The following FAM78B variants were observed in gnomAD, a reference collection of about 807,000 sequenced individuals.
The protein encoded by FAM78B is protein FAM78B.
Under a neutral mutation model 20.0 loss-of-function variants are expected in FAM78B, and 10 were observed. The ratio of observed to expected loss-of-function variants is 0.50; its 90% CI spans 0.31 to 0.85. FAM78B has a LOEUF of 0.85. Ranked by LOEUF, FAM78B falls within the 40% of genes least tolerant of loss-of-function variation. The probability of loss-of-function intolerance (pLI) is 0.05; values close to 1 mark genes in which losing one functional copy is unlikely to be tolerated. For synonymous variants in FAM78B, 135 were observed against 132.8 expected, an observed-to-expected ratio of 1.02 and a Z score of -0.12; for missense variants, 283 against 345.0, an observed-to-expected ratio of 0.82 and a Z score of 1.42.
At chr1:166,129,101 T>C (rs1056268466) in intron 1 of FAM78B, among the ~76,000 whole-genome samples, 1 of 152,194 alleles carries the variant, frequency 6.6e-6, no homozygotes, top group Non-Finnish European at 1.5e-5. Context: ...GTCCAGGCTA[T>C]GCTTCTCTGT....
intron 1 of FAM78B, among the ~76,000 whole-genome samples, chr1:166,076,999 A>C (rs2101716752): frequency 6.6e-6 from 1 of 152,358 alleles, no homozygotes; most frequent in Non-Finnish European, 1.5e-5. Flanking sequence ...GCAAAGGAAT[A>C]GCCAGCAAAA....
At chr1:166,076,614 C>T (rs1026906979) in intron 1 of FAM78B, among the ~76,000 whole-genome samples, 3 of 152,176 alleles carry the variant, frequency 2.0e-5, no homozygotes, top group Admixed American at 6.5e-5. Context: ...TCTCCCCTCA[C>T]CCTACTCTCC....
intron 1 of FAM78B, among the ~76,000 whole-genome samples, chr1:166,158,426 C>T (rs779339331): frequency 6.6e-6 from 1 of 152,164 alleles, no homozygotes; most frequent in Non-Finnish European, 1.5e-5. Context: ...GGCCATGAGG[C>T]CTTGAGCTAG....
downstream of FAM78B, among the ~76,000 whole-genome samples, chr1:166,064,832 A>T (rs1197007640): frequency 6.6e-6 from 1 of 152,212 alleles, no homozygotes; most frequent in East Asian, 1.9e-4. Flanking sequence ...TCTGATCGTG[A>T]TGTTGGCTGG....
chr1:166,109,890 G>GTATATATATATATATA (rs1200752162), intron 1 of FAM78B, among the ~76,000 whole-genome samples: 3 of 23,196 alleles, frequency 1.3e-4, no homozygotes, highest in Non-Finnish European at 3.4e-4. Flanking sequence ...ATGTATATAT[G>GTATATATATATATATA]TATATATATA....
At chr1:166,086,098 A>C (rs1652819176) in intron 1 of FAM78B, among the ~76,000 whole-genome samples, 1 of 150,508 alleles carries the variant, frequency 6.6e-6, no homozygotes, top group Non-Finnish European at 1.5e-5. Flanking sequence ...TTTTGCATAA[A>C]GGAGCTGAGG....
At chr1:166,066,056 G>C (rs1178920675), downstream of FAM78B, among the ~76,000 whole-genome samples, 3 of 152,200 alleles carry the variant, frequency 2.0e-5, no homozygotes, top group Non-Finnish European at 4.4e-5. Flanking sequence ...GAAAGCCATT[G>C]TTTCCACTGC....
At chr1:166,086,275 C>T (rs529268593) in intron 1 of FAM78B, among the ~76,000 whole-genome samples, 1 of 152,212 alleles carries the variant, frequency 6.6e-6, no homozygotes, top group Non-Finnish European at 1.5e-5. Flanking sequence ...ATTCTCCCTC[C>T]CCCACCATCC....
intron 1 of FAM78B, among the ~76,000 whole-genome samples, chr1:166,113,529 T>A (rs1402448676): frequency 6.6e-6 from 1 of 152,240 alleles, no homozygotes; most frequent in Non-Finnish European, 1.5e-5. Flanking sequence ...CATTAGGATT[T>A]ACCCTCCAAG....
chr1:166,118,358 A>C (rs1654338052), intron 1 of FAM78B, among the ~76,000 whole-genome samples: 1 of 152,212 alleles, frequency 6.6e-6, no homozygotes, highest in African/African-American at 2.4e-5. Flanking sequence ...GATTTTAAAA[A>C]AGTCTATACC....
chr1:166,086,054 A>G (rs1652815643), intron 1 of FAM78B, among the ~76,000 whole-genome samples: 1 of 152,104 alleles, frequency 6.6e-6, no homozygotes, highest in Non-Finnish European at 1.5e-5. Context: ...GTAACCTTCA[A>G]AGTAGGTACT....
intron 1 of FAM78B, among the ~76,000 whole-genome samples, chr1:166,080,859 C>A (rs564021153): frequency 1.3e-5 from 2 of 152,298 alleles, no homozygotes; most frequent in East Asian, 3.9e-4. Flanking sequence ...AGAGGAGGCA[C>A]GGAGGTGGAG....
chr1:166,060,445 C>A (rs756155760), exon 3 of FAM78B: 2 of 469,984 alleles, frequency 4.3e-6, no homozygotes, highest in Non-Finnish European at 8.0e-6. Flanking sequence ...GCCCAATCAG[C>A]CCAGGGCAAG....
intron 1 of FAM78B, among the ~76,000 whole-genome samples, chr1:166,161,247 A>G (rs1017783423): frequency 2.0e-5 from 3 of 152,148 alleles, no homozygotes; most frequent in African/African-American, 7.2e-5. Flanking sequence ...CCCAGGCTCA[A>G]GCAATTCTCG....
At chr1:166,142,700 C>A (rs921609591) in intron 1 of FAM78B, among the ~76,000 whole-genome samples, 2 of 152,198 alleles carry the variant, frequency 1.3e-5, no homozygotes, top group South Asian at 4.1e-4. Flanking sequence ...AAGTCTCTTA[C>A]CCTTACCACT....
chr1:166,135,780 A>AC (rs1206613097), intron 1 of FAM78B, among the ~76,000 whole-genome samples: 1 of 152,172 alleles, frequency 6.6e-6, no homozygotes, highest in Non-Finnish European at 1.5e-5. Context: ...TTAACTCAAC[A>AC]CCATGACTTT....
Position 166,124,820 on chromosome 1 carries a change from C to T in FAM78B, c.263+41166G>A, listed in dbSNP as rs536498352. On this transcript the variant is annotated intron_variant, in intron 1 of 1. Coordinates refer to ENST00000354422, the MANE Select transcript of FAM78B (RefSeq NM_001017961.5). Reference sequence around the variant, plus strand: ...AAAAGGCCACTTGGGCCCTTGGAAGCGGGATCATAGAGGGCTGTGGAAGGA... The same window carrying T: ...AAAAGGCCACTTGGGCCCTTGGAAGTGGGATCATAGAGGGCTGTGGAAGGA... Among the ~76,000 whole-genome samples the T allele has an allele frequency of 7.9e-5, 12 of 152,248 alleles. No homozygotes were observed. The South Asian group carries it at 1.2e-3, about 16-fold the overall frequency.
At chr1:166,095,165 T>A (rs1238873555) in intron 1 of FAM78B, among the ~76,000 whole-genome samples, 1 of 152,110 alleles carries the variant, frequency 6.6e-6, no homozygotes, top group African/African-American at 2.4e-5. Context: ...CTCAGAGGCT[T>A]GGAAGGTCCG....
rs1335167144 is a variant in FAM78B at position 166,163,203 on chromosome 1, G to T, written c.263+2783C>A. ...GAAGACTTGCAGCAGTCTGTTCAAG[G>T]CTGCACTAGCAAGATTCACCAGGGC... On this transcript the variant is annotated intron_variant, in intron 1 of 1. Transcript: ENST00000354422. 2.0e-5 allele frequency among the ~76,000 whole-genome samples: 3 copies of T among 152,172 alleles called. No homozygotes were observed. The East Asian group carries it at 5.8e-4, about 29-fold the overall frequency.
Sources: allele counts gnomAD v4.1 joint callset (sites outside exome capture counted in the v4.1 genomes callset), GRCh38; gene constraint gnomAD v4.1.1; transcripts MANE v1.5; gene names NCBI Gene and HGNC (gene_info 2026-07-23, HGNC 2026-07-21).